TTC17: variants seen among roughly 807,000 people sequenced by gnomAD.
TTC17 encodes tetratricopeptide repeat domain 17.
A neutral mutation model predicts 143.8 loss-of-function variants in TTC17; 58 were observed. The observed-to-expected ratio is 0.40, with a 90% CI of 0.33 to 0.50. The LOEUF (loss-of-function observed/expected upper bound fraction) is 0.50, where lower values mean the gene tolerates loss of function less well. TTC17 is among the 20% of genes least tolerant of loss of function. The probability of loss-of-function intolerance (pLI) is 0.49; values close to 1 mark genes in which losing one functional copy is unlikely to be tolerated. For synonymous variants in TTC17, 501 were observed against 497.8 expected, an observed-to-expected ratio of 1.01 and a Z score of -0.09; for missense variants, 1,273 against 1,392.5, an observed-to-expected ratio of 0.91 and a Z score of 1.37.
chr11:43,405,692 G>A (rs1428832792), intron 12 of TTC17, 63 bp downstream of exon 12: 1 of 1,611,762 alleles, frequency 6.2e-7, no homozygotes, highest in Non-Finnish European at 8.5e-7. Flanking sequence ...GCGGTTCTTT[G>A]AGAGCACCAG....
intron 15 of TTC17, among the ~76,000 whole-genome samples, chr11:43,411,369 A>G (rs1183228854): frequency 1.3e-5 from 2 of 152,090 alleles, no homozygotes; most frequent in East Asian, 1.9e-4. Flanking sequence ...AGTCTTATGA[A>G]TACTAACTTC....
intron 16 of TTC17, among the ~76,000 whole-genome samples, chr11:43,416,354 T>C (rs1946779260): frequency 6.6e-6 from 1 of 152,192 alleles, no homozygotes; most frequent in African/African-American, 2.4e-5. Flanking sequence ...TATTTCTGTT[T>C]TTGAGAAGAA....
intron 5 of TTC17, among the ~76,000 whole-genome samples, chr11:43,395,128 TCTCA>T (rs1857530902): frequency 6.9e-6 from 1 of 144,024 alleles, no homozygotes; most frequent in South Asian, 2.2e-4. Flanking sequence ...TGAGATGGAG[TCTCA>T]CTCTGTCGCC....
In TTC17 at chr11:43,428,590, T is replaced by C. The variant is rs553791529; in HGVS notation, c.2251+13814T>C. On this transcript the variant is annotated intron_variant, in intron 16 of 23. Coordinates refer to ENST00000039989, the MANE Select transcript of TTC17 (RefSeq NM_018259.6). ...CACATGGCAAGACCAAGAGGCCAGA[T>C]TTATAGCCAGTTCTCCTTTCTCTAC... 3.3e-5 allele frequency among the ~76,000 whole-genome samples: 5 copies of C among 152,306 alleles called. No homozygotes were observed. In the South Asian group the frequency reaches 1.0e-3, roughly 32 times the overall value.
At chr11:43,482,902 A>T (rs1046224730) in intron 21 of TTC17, among the ~76,000 whole-genome samples, 24 of 152,140 alleles carry the variant, frequency 1.6e-4, no homozygotes, top group Admixed American at 5.9e-4. Context: ...AATAGAGAAG[A>T]TGAACAATCC....
chr11:43,372,448 A>G (rs1043899267), intron 1 of TTC17, among the ~76,000 whole-genome samples: 43 of 151,736 alleles, frequency 2.8e-4, no homozygotes, highest in African/African-American at 1.0e-3. Context: ...GATTACAGGT[A>G]CCTACCACCA....
rs200176925 is a variant in TTC17 at position 43,391,596 on chromosome 11, A to T, written c.531+20A>T. 3 of 1,241,700 alleles carry T rather than the reference A, an allele frequency of 2.4e-6. No individual in the cohort carries two copies. Among genetic ancestry groups the T allele is most frequent in the Non-Finnish European group, 3.2e-6 (3 of 938,884 alleles). 76.9% of individuals were successfully genotyped at this position (1,241,700 alleles called of 1,614,324 possible). On this transcript the variant is annotated intron_variant, in intron 4 of 23. Coordinates refer to ENST00000039989, the MANE Select transcript of TTC17 (RefSeq NM_018259.6). Reference sequence around the variant, plus strand: ...TTGAGAGTAAGTAGAGAACTTTAGGATTTTTTTTTTTTTGCGTTGCGTTCT... The same window carrying T: ...TTGAGAGTAAGTAGAGAACTTTAGGTTTTTTTTTTTTTTGCGTTGCGTTCT...
intron 10 of TTC17, among the ~76,000 whole-genome samples, chr11:43,401,977 CAAAAAATAAATA>C (rs1857875625): frequency 8.3e-6 from 1 of 120,712 alleles, no homozygotes; most frequent in South Asian, 2.7e-4. Flanking sequence ...GACTGTGTCT[CAAAAAATAAATA>C]AATAAATAAA....
chr11:43,398,902 A>G (rs936269237), intron 8 of TTC17, among the ~76,000 whole-genome samples: 1 of 152,204 alleles, frequency 6.6e-6, no homozygotes, highest in African/African-American at 2.4e-5. Context: ...TTGCTTATTC[A>G]TAACTGGTTT....
chr11:43,372,261 T>C (rs1856596077), intron 1 of TTC17, among the ~76,000 whole-genome samples: 1 of 151,800 alleles, frequency 6.6e-6, no homozygotes, highest in Non-Finnish European at 1.5e-5. Flanking sequence ...CGGTTTTCTT[T>C]CTGTTACAGG....
intron 10 of TTC17, 144 bp downstream of exon 10, chr11:43,401,702 G>A: frequency 1.7e-6 from 1 of 604,122 alleles, no homozygotes; most frequent in Non-Finnish European, 2.8e-6. Flanking sequence ...TTTGAGGCTG[G>A]GCACAGTGGC....
chr11:43,402,115 G>T (rs1257198751), intron 10 of TTC17, among the ~76,000 whole-genome samples: 1 of 152,060 alleles, frequency 6.6e-6, no homozygotes, highest in Non-Finnish European at 1.5e-5. Flanking sequence ...TAACTCCATG[G>T]ATGCTTTCTA....
rs910831170 is a variant in TTC17, at chr11:43,414,701, G to A, written c.2176G>A (p.Glu726Lys). ...ATTAACCACCAAATGTCCAGAGTGTGAAAACAGCCTGAAGTTGATCCGCTG... is the reference window on the plus strand; with the variant it reads ...ATTAACCACCAAATGTCCAGAGTGTAAAAACAGCCTGAAGTTGATCCGCTG... ...LKLTTKCPEC[E>K]NSLKLIRCMQ... The change falls in exon 16 of 24, where the codon GAA (glutamate) becomes AAA (lysine). Residue 726 changes from glutamate to lysine, a missense_variant. This residue lies in a region of TTC17 where 878 missense variants were observed against 899.8 expected (regional missense o/e 0.98). Coordinates refer to ENST00000039989, the MANE Select transcript of TTC17 (RefSeq NM_018259.6). 1.9e-6 allele frequency: 3 copies of A among 1,613,684 alleles called. No homozygotes were observed. In the African/African-American group the frequency reaches 4.0e-5, roughly 22 times the overall value.
chr11:43,395,388 CCG>C (rs1857547160), intron 5 of TTC17: 1 of 152,212 alleles, frequency 6.6e-6, no homozygotes, highest in African/African-American at 2.4e-5. Flanking sequence ...GCATGAGCCA[CCG>C]CGCCCGGCCT....
chr11:43,430,709 G>GCGCGCA (rs1554994150), intron 16 of TTC17, among the ~76,000 whole-genome samples: 5 of 138,448 alleles, frequency 3.6e-5, no homozygotes, highest in African/African-American at 1.4e-4. Flanking sequence ...CTACATACAC[G>GCGCGCA]CACACACACA....
At chr11:43,430,744 CACACAA>C (rs1490305099) in intron 16 of TTC17, among the ~76,000 whole-genome samples, 11 of 148,076 alleles carry the variant, frequency 7.4e-5, no homozygotes, top group Non-Finnish European at 1.5e-4. Flanking sequence ...CACACACACA[CACACAA>C]AGTTGAAATT....
At chr11:43,444,722 TACACACAC>T (rs10638143) in intron 18 of TTC17, among the ~76,000 whole-genome samples, 71 of 143,632 alleles carry the variant, frequency 4.9e-4, no homozygotes, top group East Asian at 1.0e-3. Context: ...ACCAAATACA[TACACACAC>T]ACACACACAC....
intron 22 of TTC17, chr11:43,491,687 A>T (rs1485582555): frequency 7.4e-6 from 2 of 268,850 alleles, no homozygotes; most frequent in Admixed American, 4.9e-5. Context: ...TGTGGACAGT[A>T]CACAGACTTT....
At chr11:43,480,623 T>C (rs1948268331) in intron 21 of TTC17, among the ~76,000 whole-genome samples, 1 of 152,070 alleles carries the variant, frequency 6.6e-6, no homozygotes, top group Admixed American at 6.6e-5. Context: ...TGGAAAATAA[T>C]AATTTGTGGG....
Sources: allele counts gnomAD v4.1 joint callset (sites outside exome capture counted in the v4.1 genomes callset), GRCh38; gene constraint gnomAD v4.1.1; regional missense constraint gnomAD v4.1.1; transcripts MANE v1.5; gene names NCBI Gene and HGNC (gene_info 2026-07-23, HGNC 2026-07-21).